CELF2: variants seen among roughly 807,000 people sequenced by gnomAD.
The protein encoded by CELF2 is CUGBP Elav-like family member 2.
Under a neutral mutation model 62.6 loss-of-function variants are expected in CELF2, and 8 were observed. That is an observed-to-expected ratio of 0.13 (90% CI 0.07 to 0.23). CELF2 has a LOEUF of 0.23. Among genes scored for constraint, CELF2 ranks in the 10% least tolerant of loss-of-function variants. CELF2 has a pLI of 1.00. For synonymous variants in CELF2, 258 were observed against 250.0 expected, an observed-to-expected ratio of 1.03 and a Z score of -0.30; for missense variants, 333 against 671.0, an observed-to-expected ratio of 0.50 and a Z score of 5.56.
intron 2 of CELF2, among the ~76,000 whole-genome samples, chr10:11,190,595 T>C (rs1251418389): frequency 6.6e-6 from 1 of 151,366 alleles, no homozygotes; most frequent in African/African-American, 2.4e-5. Flanking sequence ...GTAGGAAAGA[T>C]TCTCAAAGGA....
At chr10:10,747,845 T>C in the CELF2 span, among the ~76,000 whole-genome samples, 8 of 152,304 alleles carry the variant, frequency 5.3e-5, no homozygotes, top group South Asian at 1.7e-3. Context: ...TAGCTGGGAC[T>C]ACAGGCATGT....
Position 10,949,870 on chromosome 10 carries a change from A to G in CELF2, c.89+29871A>G, listed in dbSNP as rs1221676768. Reference sequence around the variant, plus strand: ...AAAACTCACCTACAAATTCAAACTCACTTTACATGACTTGGATCAGTTTTG... The same window carrying G: ...AAAACTCACCTACAAATTCAAACTCGCTTTACATGACTTGGATCAGTTTTG... On this transcript the variant is annotated intron_variant, in intron 2 of 13. Coordinates refer to the CELF2 transcript ENST00000636488. Among the ~76,000 whole-genome samples, 5 of 150,054 alleles carry G rather than the reference A, an allele frequency of 3.3e-5. No individual in the cohort carries two copies. The East Asian group carries it at 9.8e-4, about 29-fold the overall frequency.
At chr10:11,022,095 C>T (rs979162986) in intron 1 of CELF2, among the ~76,000 whole-genome samples, 4 of 152,044 alleles carry the variant, frequency 2.6e-5, no homozygotes, top group Admixed American at 6.5e-5. Context: ...ATAAATAATA[C>T]GGAGATAACT....
At chr10:10,662,747 G>A in the CELF2 span, among the ~76,000 whole-genome samples, 1 of 152,106 alleles carries the variant, frequency 6.6e-6, no homozygotes, top group African/African-American at 2.4e-5. Context: ...AAATAGGCAA[G>A]AGCCTTGGAA....
rs1456031422 is a variant in CELF2 at position 11,020,513 on chromosome 10, A to T, written c.74+2350A>T. On this transcript the variant is annotated intron_variant, in intron 1 of 12. Coordinates refer to ENST00000633077, the MANE Select transcript of CELF2 (RefSeq NM_001326342.2). ...TTGCCATATTCACCCAGTTGAGAAG[A>T]TAGCCATGCGGATTTATTGTTTTAG... Among the ~76,000 whole-genome samples, 8 of 152,320 alleles carry T rather than the reference A, an allele frequency of 5.3e-5. No individual in the cohort carries two copies. In the South Asian group the frequency reaches 1.7e-3, roughly 32 times the overall value.
At chr10:10,666,032 A>C in the CELF2 span, among the ~76,000 whole-genome samples, 16 of 152,196 alleles carry the variant, frequency 1.1e-4, no homozygotes, top group Non-Finnish European at 2.9e-5. Flanking sequence ...CCGCTTGCAA[A>C]GCAGAGAAAA....
rs1302058348 is a variant in CELF2, at chr10:11,268,062, T to C, written c.618+1385T>C. 6.6e-6 allele frequency among the ~76,000 whole-genome samples: 1 copy of C among 152,136 alleles called. No homozygotes were observed. The highest frequency in any genetic ancestry group is 2.4e-5 in the African/African-American group (1 of 41,412). Reference sequence around the variant, plus strand: ...GATAATGAGCAGGATTTGGAATGTCTAGGAAGCTAATCTTGTCTGACACGC... The same window carrying C: ...GATAATGAGCAGGATTTGGAATGTCCAGGAAGCTAATCTTGTCTGACACGC... On this transcript the variant is annotated intron_variant, in intron 6 of 12. Coordinates refer to ENST00000633077, the MANE Select transcript of CELF2 (RefSeq NM_001326342.2). The surrounding 1 kb of genome is among the most constrained non-coding windows in gnomAD (Gnocchi z 4.7).
the CELF2 span, among the ~76,000 whole-genome samples, chr10:10,691,905 T>C: frequency 6.6e-6 from 1 of 150,984 alleles, no homozygotes; most frequent in Non-Finnish European, 1.5e-5. Context: ...TTCTGGATAT[T>C]AGCCCTTTGT....
chr10:10,803,056 A>G (rs986159306), intron 1 of CELF2, among the ~76,000 whole-genome samples: 4 of 152,138 alleles, frequency 2.6e-5, no homozygotes, highest in Admixed American at 2.6e-4. Context: ...GCCAGCTCCT[A>G]CTGAGTTTGA....
At chr10:11,115,416 C>T (rs188017348) in intron 1 of CELF2, among the ~76,000 whole-genome samples, 68 of 152,190 alleles carry the variant, frequency 4.5e-4, no homozygotes, top group African/African-American at 1.3e-3. Flanking sequence ...AATTCTTGCC[C>T]TTTCTTGTAG....
the CELF2 span, chr10:10,792,624 C>T: frequency 2.6e-6 from 1 of 391,600 alleles, no homozygotes; most frequent in African/African-American, 2.1e-5. Flanking sequence ...AGGTGTGATT[C>T]CCTGGTCTAT....
intron 1 of CELF2, among the ~76,000 whole-genome samples, chr10:10,818,705 G>C (rs2056707678): frequency 6.6e-6 from 1 of 151,938 alleles, no homozygotes; most frequent in Non-Finnish European, 1.5e-5. Flanking sequence ...TGCCATCATG[G>C]GGTTATGCCA....
At chr10:10,793,233 G>C in the CELF2 span, among the ~76,000 whole-genome samples, 1 of 152,016 alleles carries the variant, frequency 6.6e-6, no homozygotes, top group East Asian at 1.9e-4. Context: ...ACTTTTCATT[G>C]TACCAGGTTT....
chr10:10,773,116 T>C, the CELF2 span, among the ~76,000 whole-genome samples: 1 of 152,194 alleles, frequency 6.6e-6, no homozygotes, highest in Non-Finnish European at 1.5e-5. Flanking sequence ...AATAACATTA[T>C]ATAGGAAATC....
the CELF2 span, among the ~76,000 whole-genome samples, chr10:10,670,740 A>G: frequency 2.0e-5 from 3 of 152,188 alleles, no homozygotes; most frequent in African/African-American, 7.2e-5. Context: ...TGATCTGCCT[A>G]TTCATCTGTC....
chr10:11,322,234 A>G (rs2095479520), intron 11 of CELF2, among the ~76,000 whole-genome samples: 1 of 152,216 alleles, frequency 6.6e-6, no homozygotes, highest in South Asian at 2.1e-4. Context: ...TTTCAGGTGA[A>G]TGATGAAATC....
In CELF2 at chr10:11,329,329, CT is replaced by C. The variant is rs3214728; in HGVS notation, c.*285del. On this transcript the variant is annotated 3_prime_UTR_variant, in exon 13 of 13. Transcript: ENST00000633077. This position sits in a 1 kb window ranked among gnomAD's most constrained non-coding sequence, Gnocchi z 5.5. ...TTTTGCGATTTGAATCTCCTTTTAC[CT>C]TTTTTTTTAATTTTTTTCATTTTTG... 6.7e-4 allele frequency: 157 copies of C among 234,560 alleles called. No homozygotes were observed. The highest frequency in any genetic ancestry group is 1.3e-3 in the Middle Eastern group (1 of 760). 14.5% of individuals were successfully genotyped at this position (234,560 alleles called of 1,614,324 possible).
At position 11,242,586 on chromosome 10, in the gene CELF2, G is replaced by T. The variant is rs763109762; in HGVS notation, c.355-6567G>T. ...AGCTGTTGGCAGAGCTGTGTGCAGC[G>T]CTCTGTGCATGCACTTACCCCTCAG... On this transcript the variant is annotated intron_variant, in intron 3 of 12. Coordinates refer to ENST00000633077, the MANE Select transcript of CELF2 (RefSeq NM_001326342.2). This position sits in a 1 kb window ranked among gnomAD's most constrained non-coding sequence, Gnocchi z 4.8. Among the ~76,000 whole-genome samples the T allele has an allele frequency of 2.0e-5, 3 of 152,204 alleles. No homozygotes were observed. Among genetic ancestry groups the T allele is most frequent in the Non-Finnish European group, 2.9e-5 (2 of 68,038 alleles).
intron 1 of CELF2, among the ~76,000 whole-genome samples, chr10:10,909,136 AG>A (rs2063592354): frequency 6.6e-6 from 1 of 152,194 alleles, no homozygotes; most frequent in East Asian, 1.9e-4. Context: ...AACTGAGGGG[AG>A]CCCCATGTTC....
Sources: gnomAD v4.1 joint callset for allele counts (sites outside exome capture counted in the v4.1 genomes callset) on GRCh38, gnomAD v4.1.1 for gene constraint, Gnocchi (gnomAD v3.1) non-coding constraint, MANE v1.5 for transcripts, NCBI Gene and HGNC (gene_info 2026-07-23, HGNC 2026-07-21) for gene names.